Variants in GABRB2 observed in about 807,000 individuals in gnomAD.
The protein encoded by GABRB2 is gamma-aminobutyric acid receptor subunit beta-2.
A neutral mutation model predicts 54.7 loss-of-function variants in GABRB2; 16 were observed. That is an observed-to-expected ratio of 0.29 (90% CI 0.20 to 0.44). The LOEUF (loss-of-function observed/expected upper bound fraction) is 0.44. Ranked by LOEUF, GABRB2 falls within the 20% of genes least tolerant of loss-of-function variation. GABRB2 has a pLI of 1.00. For missense variants in GABRB2, 355 were observed against 644.0 expected (o/e 0.55, Z 4.86); for synonymous variants, 244 against 233.8 (o/e 1.04, Z -0.40).
At chr5:161,433,438 A>G (rs938858442) in intron 4 of GABRB2, among the ~76,000 whole-genome samples, 3 of 119,478 alleles carry the variant, frequency 2.5e-5, no homozygotes, top group East Asian at 2.5e-4. Flanking sequence ...TGTCTCTACT[A>G]AAAATACAAA....
intron 3 of GABRB2, among the ~76,000 whole-genome samples, chr5:161,538,627 T>C (rs1746241124): frequency 6.6e-6 from 1 of 152,114 alleles, no homozygotes; most frequent in Admixed American, 6.5e-5. Context: ...AGTTTGAAAC[T>C]AGCCTGGGCA....
At chr5:161,363,737 A>G (rs1019680444) in intron 5 of GABRB2, among the ~76,000 whole-genome samples, 2 of 152,078 alleles carry the variant, frequency 1.3e-5, no homozygotes, top group African/African-American at 2.4e-5. Flanking sequence ...TTAGAAAGCA[A>G]TCATTCTTTC....
chr5:161,508,422 G>C (rs902905237), intron 3 of GABRB2, among the ~76,000 whole-genome samples: 4 of 150,928 alleles, frequency 2.7e-5, no homozygotes, highest in South Asian at 4.2e-4. Context: ...GATGAGGCTT[G>C]AGAGGTGGAT....
intron 3 of GABRB2, among the ~76,000 whole-genome samples, chr5:161,531,254 A>G (rs1224220297): frequency 6.6e-6 from 1 of 152,158 alleles, no homozygotes; most frequent in Non-Finnish European, 1.5e-5. Context: ...AATAATTCAC[A>G]AATCATTTCA....
rs983652396 is a variant in GABRB2 at position 161,331,958 on chromosome 5, G to A, written c.833-831C>T. Among the ~76,000 whole-genome samples, 4 of 152,064 alleles carry A rather than the reference G, an allele frequency of 2.6e-5. No homozygotes were observed. The South Asian group carries it at 8.3e-4, about 32-fold the overall frequency. ...AGGCGGGTGGATCACGAGGTCAGGA[G>A]ATCGAGACCATCCTGGCTAACACGG... On this transcript the variant is annotated intron_variant, in intron 7 of 9. Coordinates refer to ENST00000393959, the MANE Select transcript of GABRB2 (RefSeq NM_001371727.1).
chr5:161,354,149 C>T (rs570425704), intron 5 of GABRB2, among the ~76,000 whole-genome samples: 2 of 152,106 alleles, frequency 1.3e-5, no homozygotes, highest in Admixed American at 1.3e-4. Flanking sequence ...CCTATAGAAC[C>T]TGCTAAATAT....
intron 3 of GABRB2, among the ~76,000 whole-genome samples, chr5:161,490,186 T>C (rs931490821): frequency 5.3e-5 from 8 of 151,782 alleles, no homozygotes; most frequent in African/African-American, 1.9e-4. Context: ...TTTCACAAAT[T>C]AATTATCTCG....
At chr5:161,313,730 A>G (rs919630346) in intron 9 of GABRB2, among the ~76,000 whole-genome samples, 1 of 152,170 alleles carries the variant, frequency 6.6e-6, no homozygotes, top group African/African-American at 2.4e-5. Flanking sequence ...TCCTTAAGAC[A>G]TGTTTCCAGG....
rs183627918 is a variant in GABRB2 at position 161,371,170 on chromosome 5, G to A, written c.542-34401C>T. Among the ~76,000 whole-genome samples, 9 of 152,208 alleles carry A rather than the reference G, an allele frequency of 5.9e-5. No homozygotes were observed. In the East Asian group the frequency reaches 1.2e-3, roughly 20 times the overall value. Reference sequence around the variant, plus strand: ...ATATAACAGGGTGGATTACAAGGCTGTTATTACAAGACAATACTTTGTTTC... The same window carrying A: ...ATATAACAGGGTGGATTACAAGGCTATTATTACAAGACAATACTTTGTTTC... On this transcript the variant is annotated intron_variant, in intron 5 of 9. Transcript: ENST00000393959.
At chr5:161,473,432 A>T (rs1758502579) in intron 3 of GABRB2, among the ~76,000 whole-genome samples, 1 of 152,018 alleles carries the variant, frequency 6.6e-6, no homozygotes, top group Non-Finnish European at 1.5e-5. Context: ...ACAACATTGT[A>T]CTTACCTCGA....
intron 2 of GABRB2, 97 bp from the exon 3 acceptor site, chr5:161,545,391 T>C (rs746246169): frequency 9.6e-6 from 6 of 624,088 alleles, no homozygotes; most frequent in Admixed American, 4.1e-5. Context: ...CCAAAACCCT[T>C]CTGCACTACT....
chr5:161,297,442 C>T (rs1393160612), intron 9 of GABRB2, among the ~76,000 whole-genome samples: 1 of 152,070 alleles, frequency 6.6e-6, no homozygotes, highest in African/African-American at 2.4e-5. Flanking sequence ...AGTCCCCCAC[C>T]CCCTGACAGG....
In GABRB2 at chr5:161,293,936, T is replaced by C; in HGVS notation, c.*145A>G. On this transcript the variant is annotated 3_prime_UTR_variant, in exon 10 of 10. Transcript: ENST00000393959. ...CTTAGCAGAAGCAACCCAAATGGTA[T>C]GAAATGGACCACAGGATAGGCCAGC... 1.5e-6 allele frequency: 1 copy of C among 652,480 alleles called. No individual in the cohort carries two copies. Among genetic ancestry groups the C allele is most frequent in the South Asian group, 2.0e-5 (1 of 49,946 alleles). 40.4% of individuals were successfully genotyped at this position (652,480 alleles called of 1,614,324 possible).
At chr5:161,294,795 C>T (rs1004449161) in intron 9 of GABRB2, among the ~76,000 whole-genome samples, 1 of 152,056 alleles carries the variant, frequency 6.6e-6, no homozygotes, top group Admixed American at 6.6e-5. Flanking sequence ...TTAAGCTGTG[C>T]TAGGCATGCA....
chr5:161,342,098 A>G (rs903582227), intron 5 of GABRB2, among the ~76,000 whole-genome samples: 1 of 151,476 alleles, frequency 6.6e-6, no homozygotes, highest in Non-Finnish European at 1.5e-5. Flanking sequence ...AACAATTGTC[A>G]CACAGCAGTT....
rs1757166934 is a variant in GABRB2, at chr5:161,289,213, T to C, written c.*4868A>G. 6.9e-6 allele frequency: 1 copy of C among 145,410 alleles called. No homozygotes were observed. Among genetic ancestry groups the C allele is most frequent in the African/African-American group, 2.7e-5 (1 of 37,614 alleles). 9.0% of individuals were successfully genotyped at this position (145,410 alleles called of 1,614,324 possible). On this transcript the variant is annotated 3_prime_UTR_variant, in exon 10 of 10. Coordinates refer to ENST00000393959, the MANE Select transcript of GABRB2 (RefSeq NM_001371727.1). ...TTTACTTCAATTTCCAAAAACCTAG[T>C]AGCTTTTTAAGAGTGCTGCTTTTTT...
intron 3 of GABRB2, among the ~76,000 whole-genome samples, chr5:161,462,358 A>G (rs1438759212): frequency 6.6e-6 from 1 of 152,204 alleles, no homozygotes; most frequent in Non-Finnish European, 1.5e-5. Flanking sequence ...AGGATCAGAT[A>G]TATATTTTTG....
At chr5:161,442,429 C>T (rs995674823) in intron 4 of GABRB2, among the ~76,000 whole-genome samples, 1 of 152,190 alleles carries the variant, frequency 6.6e-6, no homozygotes, top group African/African-American at 2.4e-5. Flanking sequence ...CACCAGGACA[C>T]TGAAGCAGCC....
At chr5:161,305,365 T>G (rs947153965) in intron 9 of GABRB2, among the ~76,000 whole-genome samples, 2 of 152,206 alleles carry the variant, frequency 1.3e-5, no homozygotes, top group African/African-American at 4.8e-5. Context: ...AGGCATTGGC[T>G]TCAAATTATT....
Sources: allele counts gnomAD v4.1 joint callset (sites outside exome capture counted in the v4.1 genomes callset), GRCh38; gene constraint gnomAD v4.1.1; transcripts MANE v1.5; gene names NCBI Gene and HGNC (gene_info 2026-07-23, HGNC 2026-07-21).